PIEZO1: variants seen among roughly 807,000 people sequenced by gnomAD.
PIEZO1 encodes the protein piezo type mechanosensitive ion channel component 1 (Er blood group), also known as piezo-type mechanosensitive ion channel component 1.
Under a neutral mutation model 297.2 loss-of-function variants are expected in PIEZO1, and 296 were observed. The ratio of observed to expected loss-of-function variants is 1.00; its 90% CI spans 0.91 to 1.10. PIEZO1 has a LOEUF of 1.10. Among genes scored for constraint, PIEZO1 ranks in the 50% least tolerant of loss-of-function variants. The pLI is 0.00. For missense variants in PIEZO1, 5,018 were observed against 3,455.5 expected (o/e 1.45, Z -11.34); for synonymous variants, 2,427 against 1,507.5 (o/e 1.61, Z -14.13).
Position 88,734,944 on chromosome 16 carries a change from G to T in PIEZO1, c.1779C>A (p.Phe593Leu). 1 of 1,550,486 alleles carries T rather than the reference G, an allele frequency of 6.4e-7. No individual in the cohort carries two copies. Among genetic ancestry groups the T allele is most frequent in the Non-Finnish European group, 8.7e-7 (1 of 1,146,972 alleles). ...VCAGMFIVVSFAGRLVVYKIV... is the reference protein window; with the variant it reads ...VCAGMFIVVSLAGRLVVYKIV... The stretch of plus-strand genomic sequence containing the variant: ...TCTTGTAGACCACGAGGCGGCCGGC[G>T]AAGCTGACCACGATGAACATGCCAG... Residue 593 changes from phenylalanine to leucine, a missense_variant, in exon 14 of 51, where the codon TTC (phenylalanine) becomes TTA (leucine). Transcript: ENST00000301015.
chr16:88,727,662 C>G lies in PIEZO1; in HGVS notation c.3197-1G>C. ...GCCCGGCTCCAGCGCCAGGGATAATCTGGGGGAAGGGGTGTCATGTCAGGA... is the reference window on the plus strand; with the variant it reads ...GCCCGGCTCCAGCGCCAGGGATAATGTGGGGGAAGGGGTGTCATGTCAGGA... On this transcript the variant is annotated splice_acceptor_variant, in intron 22 of 50. Transcript: ENST00000301015. LOFTEE classifies it high-confidence loss of function. The G allele has an allele frequency of 6.9e-7, 1 of 1,440,198 alleles. No homozygotes were observed. The highest frequency in any genetic ancestry group is 9.3e-7 in the Non-Finnish European group (1 of 1,076,742). 89.2% of individuals were successfully genotyped at this position (1,440,198 alleles called of 1,614,324 possible).
At position 88,722,318 on chromosome 16, in the gene PIEZO1, T is replaced by C. The variant is rs1454708672; in HGVS notation, c.4855A>G (p.Ser1619Gly). ...SPLSTGYHTR[S>G]GSEEAVTDPG... is the part of the protein sequence containing the mutation. Reference sequence around the variant, plus strand: ...TCGGTGACTGCCTCCTCACTGCCACTGCGCGTGTGGTAGCCGGTGCTCAGG... The same window carrying C: ...TCGGTGACTGCCTCCTCACTGCCACCGCGCGTGTGGTAGCCGGTGCTCAGG... Residue 1619 changes from serine (S) to glycine (G), a missense_variant, in exon 36 of 51, where the codon AGT (serine) becomes GGT (glycine). Transcript: ENST00000301015. 6.5e-7 allele frequency: 1 copy of C among 1,546,876 alleles called. No individual in the cohort carries two copies.
rs1001992722 is a variant in PIEZO1 at position 88,784,976 on chromosome 16, C to G, written c.-12G>C. ...ACGTGCGGCTCCATGGCTGGAGGGC[C>G]CAGGGCCCGGCCCAGACCGAGCGGA... On this transcript the variant is annotated 5_prime_UTR_variant, in exon 1 of 51. Coordinates refer to ENST00000301015, the MANE Select transcript of PIEZO1 (RefSeq NM_001142864.4). The G allele has an allele frequency of 8.0e-5, 106 of 1,332,902 alleles. No individual in the cohort carries two copies. The highest frequency in any genetic ancestry group is 9.8e-5 in the Non-Finnish European group (101 of 1,033,348). 82.6% of individuals were successfully genotyped at this position (1,332,902 alleles called of 1,614,324 possible).
chr16:88,752,073 G>A (rs546572075), intron 1 of PIEZO1, among the ~76,000 whole-genome samples: 2 of 152,334 alleles, frequency 1.3e-5, no homozygotes, highest in South Asian at 4.1e-4. Context: ...GTGGTGCCGT[G>A]CGTGCAGTTT....
rs1034346501 is a variant in PIEZO1, at chr16:88,738,027, G to C, written c.927C>G (p.Asp309Glu). The C allele has an allele frequency of 1.6e-5, 24 of 1,535,752 alleles. No homozygotes were observed. Among genetic ancestry groups the C allele is most frequent in the Non-Finnish European group, 1.9e-5 (22 of 1,146,810 alleles). The change falls in exon 8 of 51, where the codon GAC becomes GAG. Residue 309 changes from aspartate to glutamate, a missense_variant. Asp to Glu is a conservative substitution (Grantham distance 45). Coordinates refer to ENST00000301015, the MANE Select transcript of PIEZO1 (RefSeq NM_001142864.4). The part of the protein sequence containing the change: ...PHALVLNTGL[D>E]WPVYASPGVL... ...CGCCGGGGCTGGCATACACAGGCCAGTCCAGGCCGGTGTTGAGGACCAGCG... is the reference window on the plus strand; with the variant it reads ...CGCCGGGGCTGGCATACACAGGCCACTCCAGGCCGGTGTTGAGGACCAGCG...
intron 23 of PIEZO1, 115 bp from the exon 24 acceptor site, chr16:88,727,307 C>T (rs1458120957): frequency 1.6e-6 from 2 of 1,218,478 alleles, no homozygotes; most frequent in East Asian, 5.1e-5. Flanking sequence ...TGGGAGCGGA[C>T]ACACGTCTGC....
chr16:88,722,117 G>T (rs1300061018), intron 36 of PIEZO1, 51 bp from the exon 37 acceptor site: 1 of 1,527,068 alleles, frequency 6.5e-7, no homozygotes. Flanking sequence ...CCGAAGGCAT[G>T]ACGGCCCGAT....
At chr16:88,755,807 G>C (rs936768878) in intron 1 of PIEZO1, among the ~76,000 whole-genome samples, 1 of 152,212 alleles carries the variant, frequency 6.6e-6, no homozygotes, top group African/African-American at 2.4e-5. Context: ...AGAGCCTCGG[G>C]CGGTGGACAG....
In PIEZO1 at chr16:88,720,129, A is replaced by C; in HGVS notation, c.6104T>G (p.Val2035Gly). ...TAGGTGGATGGCCAGCACCAGCGCC[A>C]CCTGGAAGGCCAGCTTGCCCAGCAC... The part of the protein sequence containing the change: ...KTVLGKLAFQ[V>G]ALVLAIHLWM... The change falls in exon 42 of 51, where the codon GTG becomes GGG. Residue 2035 changes from valine (V) to glycine (G), a missense_variant. Transcript: ENST00000301015. The C allele has an allele frequency of 3.9e-6, 6 of 1,550,394 alleles. No homozygotes were observed. The highest frequency in any genetic ancestry group is 5.2e-6 in the Non-Finnish European group (6 of 1,146,956).
chr16:88,736,597 C>A (rs779387619), intron 11 of PIEZO1, 42 bp downstream of exon 11: 1 of 1,493,646 alleles, frequency 6.7e-7, no homozygotes, highest in Non-Finnish European at 8.9e-7. Flanking sequence ...CACACCTGCG[C>A]GGCAGAGGGG....
chr16:88,736,778 C>T (rs764178620), intron 10 of PIEZO1, 39 bp from the exon 11 acceptor site: 2 of 1,315,534 alleles, frequency 1.5e-6, no homozygotes, highest in Non-Finnish European at 1.0e-6. Flanking sequence ...GCAGGTTGAT[C>T]TGCAGGCCTC....
intron 44 of PIEZO1, 81 bp downstream of exon 44, chr16:88,719,493 T>G (rs564770688): frequency 7.3e-7 from 1 of 1,360,970 alleles, no homozygotes; most frequent in African/African-American, 1.4e-5. Flanking sequence ...CACCACGGGT[T>G]CTCGTGGCAG....
At chr16:88,735,305 G>A (rs1597458962) in intron 12 of PIEZO1, 59 bp from the exon 13 acceptor site, 18 of 1,229,700 alleles carry the variant, frequency 1.5e-5, no homozygotes, top group Middle Eastern at 2.0e-4. Flanking sequence ...TCCCACAGCC[G>A]GGGGACCCAG....
At position 88,731,799 on chromosome 16, in the gene PIEZO1, C is replaced by G. The variant is rs1191125788; in HGVS notation, c.3103G>C (p.Ala1035Pro). The change falls in exon 22 of 51, where the codon GCC (alanine) becomes CCC (proline). Residue 1035 changes from alanine to proline, a missense_variant. Physicochemically the swap from Ala to Pro is conservative, Grantham distance 27. Coordinates refer to ENST00000301015, the MANE Select transcript of PIEZO1 (RefSeq NM_001142864.4). ...AGGCAGTAGTTGGGCCAGAGGCGGG[C>G]AATGGCCTGGCGGTGCCTGCGGGTG... ...ILTRRHRQAI[A>P]RLWPNYCLFL... 6.5e-7 allele frequency: 1 copy of G among 1,548,324 alleles called. No homozygotes were observed. The highest frequency in any genetic ancestry group is 1.4e-5 in the African/African-American group (1 of 72,602).
rs1458546920 is a variant in PIEZO1, at chr16:88,731,793, G to A, written c.3109C>T (p.Leu1037Phe). Reference sequence around the variant, plus strand: ...AGGAAGAGGCAGTAGTTGGGCCAGAGGCGGGCAATGGCCTGGCGGTGCCTG... The same window carrying A: ...AGGAAGAGGCAGTAGTTGGGCCAGAAGCGGGCAATGGCCTGGCGGTGCCTG... ...TRRHRQAIAR[L>F]WPNYCLFLAL... The change falls in exon 22 of 51, where the codon CTC becomes TTC. Residue 1037 changes from leucine (L) to phenylalanine (F), a missense_variant. Physicochemically the swap from Leu to Phe is conservative, Grantham distance 22. Coordinates refer to ENST00000301015, the MANE Select transcript of PIEZO1 (RefSeq NM_001142864.4). 6.5e-7 allele frequency: 1 copy of A among 1,549,402 alleles called. No individual in the cohort carries two copies. The highest frequency in any genetic ancestry group is 2.5e-5 in the East Asian group (1 of 40,776).
At chr16:88,745,766 A>G (rs961360531) in intron 2 of PIEZO1, 1 of 151,032 alleles carries the variant, frequency 6.6e-6, no homozygotes, top group African/African-American at 2.4e-5. Context: ...AAAAAAAAAA[A>G]AGGGGCCGGG....
At position 88,726,547 on chromosome 16, in the gene PIEZO1, G is replaced by C. The variant is rs533490181; in HGVS notation, c.3796C>G (p.Pro1266Ala). The stretch of plus-strand genomic sequence containing the variant: ...CCCCGCCACCGTCCTGGCCACTCAC[G>C]GTCATAGTAGCCCTTGACGGTGCAT... ...LVCTVKGYYD[P>A]KEMMDRDQDC... The change falls in exon 26 of 51, where the codon CCC (proline) becomes GCC (alanine). Residue 1266 changes from proline to alanine, a missense_variant and splice_region_variant. Physicochemically the swap from Pro to Ala is conservative, Grantham distance 27. Coordinates refer to ENST00000301015, the MANE Select transcript of PIEZO1 (RefSeq NM_001142864.4). 1 of 1,549,280 alleles carries C rather than the reference G, an allele frequency of 6.5e-7. No individual in the cohort carries two copies. The highest frequency in any genetic ancestry group is 1.2e-5 in the South Asian group (1 of 84,030).
At chr16:88,771,709 G>A (rs960057653) in intron 1 of PIEZO1, among the ~76,000 whole-genome samples, 3 of 152,192 alleles carry the variant, frequency 2.0e-5, no homozygotes, top group Non-Finnish European at 2.9e-5. Flanking sequence ...TGGAGCCGAC[G>A]TCCAGATGCC....
At position 88,733,290 on chromosome 16, in the gene PIEZO1, G is replaced by A. The variant is rs1229422527; in HGVS notation, c.2652C>T (p.Ser884=). ...LKVVNPQEYS[S]NCTEPFPNST... ...CGGGGGCCGGTACCTCGGTGCAGTTGCTGGAATACTCCTGGGGGTTGACAA... is the reference window on the plus strand; with the variant it reads ...CGGGGGCCGGTACCTCGGTGCAGTTACTGGAATACTCCTGGGGGTTGACAA... The change falls in exon 19 of 51, where the codon AGC becomes AGT. Residue 884 remains serine, a synonymous_variant. Coordinates refer to ENST00000301015, the MANE Select transcript of PIEZO1 (RefSeq NM_001142864.4). The A allele has an allele frequency of 1.3e-6, 2 of 1,542,178 alleles. No individual in the cohort carries two copies. The highest frequency in any genetic ancestry group is 2.5e-5 in the East Asian group (1 of 40,678).
Sources: gnomAD v4.1 joint callset for allele counts (sites outside exome capture counted in the v4.1 genomes callset) on GRCh38, gnomAD v4.1.1 for gene constraint, MANE v1.5 for transcripts, NCBI Gene and HGNC (gene_info 2026-07-23, HGNC 2026-07-21) for gene names.